Variants in UQCC2 observed in about 807,000 individuals in gnomAD.
UQCC2 encodes the protein ubiquinol-cytochrome c reductase complex assembly factor 2.
A neutral mutation model predicts 19.9 loss-of-function variants in UQCC2; 21 were observed. The observed-to-expected ratio is 1.05, with a 90% CI of 0.75 to 1.52. UQCC2 has a LOEUF of 1.52. Ranked by LOEUF, UQCC2 falls within the 40% of genes most tolerant of loss-of-function variation. The pLI is 0.00. For missense variants in UQCC2, 135 were observed against 157.5 expected (o/e 0.86, Z 0.76); for synonymous variants, 57 against 60.9 (o/e 0.94, Z 0.30).
intron 1 of UQCC2, among the ~76,000 whole-genome samples, chr6:33,701,940 G>A (rs756635907): frequency 5.9e-5 from 9 of 151,934 alleles, no homozygotes; most frequent in East Asian, 1.9e-4. Flanking sequence ...CCTTCCTGGG[G>A]GAGGAGATGC....
intron 1 of UQCC2, among the ~76,000 whole-genome samples, chr6:33,706,993 G>A (rs903710064): frequency 6.6e-6 from 1 of 152,214 alleles, no homozygotes; most frequent in African/African-American, 2.4e-5. Flanking sequence ...GTCTCACAAA[G>A]TTGCCTGCCA....
At chr6:33,704,147 A>G (rs1461991455) in intron 1 of UQCC2, among the ~76,000 whole-genome samples, 1 of 152,136 alleles carries the variant, frequency 6.6e-6, no homozygotes, top group African/African-American at 2.4e-5. Context: ...AGTTTTTCTC[A>G]CAGTTATTAG....
At chr6:33,704,543 C>A (rs1047030060) in intron 1 of UQCC2, among the ~76,000 whole-genome samples, 1 of 152,222 alleles carries the variant, frequency 6.6e-6, no homozygotes, top group Non-Finnish European at 1.5e-5. Flanking sequence ...TCTCCATGGT[C>A]TGCCGAGAGA....
chr6:33,708,743 G>C (rs1220859569), intron 1 of UQCC2, among the ~76,000 whole-genome samples: 1 of 152,162 alleles, frequency 6.6e-6, no homozygotes, highest in Non-Finnish European at 1.5e-5. Flanking sequence ...GCTTTCTCAA[G>C]GTCTTTATAA....
chr6:33,700,092 AT>A (rs1765621749), intron 3 of UQCC2, among the ~76,000 whole-genome samples: 1 of 152,216 alleles, frequency 6.6e-6, no homozygotes, highest in East Asian at 1.9e-4. Flanking sequence ...TTTTGTTTTA[AT>A]TAAAACCTTC....
chr6:33,700,358 A>G (rs2127333686), intron 3 of UQCC2, 86 bp downstream of exon 3: 1 of 1,473,646 alleles, frequency 6.8e-7, no homozygotes, highest in Non-Finnish European at 9.5e-7. Flanking sequence ...ATCAAGCAAA[A>G]CTGTCTTCTT....
At chr6:33,710,833 C>T (rs1009242743) in intron 1 of UQCC2, among the ~76,000 whole-genome samples, 1 of 152,120 alleles carries the variant, frequency 6.6e-6, no homozygotes, top group South Asian at 2.1e-4. Context: ...TGAATGAATC[C>T]CAGAGCTGCA....
intron 3 of UQCC2, 147 bp downstream of exon 3, chr6:33,700,297 A>G (rs1310047398): frequency 2.5e-6 from 2 of 796,382 alleles, no homozygotes; most frequent in Non-Finnish European, 4.1e-6. Context: ...GTCAAAATGC[A>G]TGCGCCCTGT....
intron 1 of UQCC2, among the ~76,000 whole-genome samples, chr6:33,703,651 CCA>C (rs976848944): frequency 1.6e-4 from 25 of 152,042 alleles, no homozygotes; most frequent in African/African-American, 5.1e-4. Context: ...AAAAAAGTTG[CCA>C]CAGTTTATCT....
chr6:33,701,270 C>G lies in UQCC2; in HGVS notation c.213+76G>C. 2.1e-6 allele frequency: 3 copies of G among 1,459,240 alleles called. No homozygotes were observed. The South Asian group carries it at 3.9e-5, about 19-fold the overall frequency. The allele number at this position is 1,459,240 out of a possible 1,614,324, so 90.4% of individuals were successfully genotyped here. A position where few individuals can be genotyped will look rare whatever the true frequency, so the allele number is the denominator to read the frequency against. On this transcript the variant is annotated intron_variant, in intron 2 of 3. Transcript: ENST00000607484. ...AAGCCAAGTCTTTACAAAACATTACCTAATCAGATTTTCACTCATTCTTAT... is the reference window on the plus strand; with the variant it reads ...AAGCCAAGTCTTTACAAAACATTACGTAATCAGATTTTCACTCATTCTTAT...
intron 3 of UQCC2, among the ~76,000 whole-genome samples, chr6:33,698,958 GAA>G: frequency 6.6e-6 from 1 of 152,048 alleles, no homozygotes; most frequent in Non-Finnish European, 1.5e-5. Flanking sequence ...AACTACTGGA[GAA>G]AAAAAGAGTA....
chr6:33,707,584 A>T (rs1249981843), intron 1 of UQCC2, among the ~76,000 whole-genome samples: 2 of 152,378 alleles, frequency 1.3e-5, no homozygotes, highest in East Asian at 3.9e-4. Context: ...TGCATACAAT[A>T]CAGTTAGAAC....
At chr6:33,705,782 G>A (rs147303566) in intron 1 of UQCC2, among the ~76,000 whole-genome samples, 113 of 152,166 alleles carry the variant, frequency 7.4e-4, no homozygotes, top group South Asian at 1.9e-3. Flanking sequence ...TGAAATGGAC[G>A]GTGCATTTTT....
intron 1 of UQCC2, among the ~76,000 whole-genome samples, chr6:33,709,981 G>A (rs1447119531): frequency 2.6e-5 from 4 of 152,170 alleles, no homozygotes; most frequent in East Asian, 1.9e-4. Context: ...CACCGAACTC[G>A]AGATATTCTT....
rs190812550 is a variant in UQCC2, at chr6:33,697,932, G to A, written c.284-182C>T. 704 of 596,848 alleles carry A rather than the reference G, an allele frequency of 1.2e-3. 3 individuals carry two copies. The highest frequency in any genetic ancestry group is 0.011 in the African/African-American group (588 of 53,824). The allele number at this position is 596,848 out of a possible 1,614,324, so 37.0% of individuals were successfully genotyped here. A position where few individuals can be genotyped will look rare whatever the true frequency, so the allele number is the denominator to read the frequency against. On this transcript the variant is annotated intron_variant, in intron 3 of 3. Transcript: ENST00000607484. ...ACAGGTAACAGAAGTGACCGCTTGC[G>A]GGGACTGAGCACTGTGTGCCAGACT...
In UQCC2 at chr6:33,697,530, T is replaced by C. The variant is rs1765577902; in HGVS notation, c.*123A>G. On this transcript the variant is annotated 3_prime_UTR_variant, in exon 4 of 4. Transcript: ENST00000607484. ...TTTCTTTAGAGCAGCAAGGGCTTCC[T>C]TTCTGGGAAAGCTAGAGGAGATTCC... The C allele has an allele frequency of 1.4e-6, 1 of 708,516 alleles. No individual in the cohort carries two copies. The highest frequency in any genetic ancestry group is 1.8e-5 in the African/African-American group (1 of 56,246). 43.9% of individuals were successfully genotyped at this position (708,516 alleles called of 1,614,324 possible).
At chr6:33,702,044 T>C (rs1052927755) in intron 1 of UQCC2, among the ~76,000 whole-genome samples, 1 of 152,102 alleles carries the variant, frequency 6.6e-6, no homozygotes, top group Non-Finnish European at 1.5e-5. Flanking sequence ...TCTCACTCTA[T>C]TGCCCAGGCT....
At chr6:33,703,665 T>C (rs879106662) in intron 1 of UQCC2, among the ~76,000 whole-genome samples, 6 of 152,222 alleles carry the variant, frequency 3.9e-5, no homozygotes, top group Admixed American at 3.9e-4. Context: ...AGTTTATCTT[T>C]CTCTGTATCT....
chr6:33,704,811 G>A (rs895191020), intron 1 of UQCC2, among the ~76,000 whole-genome samples: 33 of 152,102 alleles, frequency 2.2e-4, no homozygotes, highest in African/African-American at 7.7e-4. Context: ...CTAGCAGTGA[G>A]AAGTCACCAG....
Sources: allele counts gnomAD v4.1 joint callset (sites outside exome capture counted in the v4.1 genomes callset), GRCh38; gene constraint gnomAD v4.1.1; transcripts MANE v1.5; gene names NCBI Gene and HGNC (gene_info 2026-07-23, HGNC 2026-07-21).